The following GSK3B variants were observed in gnomAD, a reference collection of about 807,000 sequenced individuals.
The protein encoded by GSK3B is glycogen synthase kinase 3 beta.
Under a neutral mutation model 56.4 loss-of-function variants are expected in GSK3B, and 15 were observed. The ratio of observed to expected loss-of-function variants is 0.27; its 90% confidence interval spans 0.18 to 0.41. The LOEUF (loss-of-function observed/expected upper bound fraction) is 0.41. Among genes scored for constraint, GSK3B ranks in the 10% least tolerant of loss-of-function variants. The pLI, the probability that GSK3B is intolerant of heterozygous loss-of-function variation, is 1.00. For missense variants in GSK3B, 300 were observed against 513.4 expected (o/e 0.58, Z 4.02); for synonymous variants, 181 against 188.9 (o/e 0.96, Z 0.34).
intron 1 of GSK3B, among the ~76,000 whole-genome samples, chr3:120,047,515 A>T (rs1225738922): frequency 6.6e-6 from 1 of 152,208 alleles, no homozygotes; most frequent in Non-Finnish European, 1.5e-5. Context: ...CAAAAGCCTC[A>T]TCCTAGAAAA....
At chr3:119,866,513 T>C in intron 8 of GSK3B, 1 of 853,592 alleles carries the variant, frequency 1.2e-6, no homozygotes, top group Non-Finnish European at 2.0e-6. Flanking sequence ...AGTAATTATT[T>C]AGCCTCTCAA....
intron 2 of GSK3B, among the ~76,000 whole-genome samples, chr3:119,990,488 T>C (rs940475702): frequency 1.3e-5 from 2 of 152,228 alleles, no homozygotes; most frequent in African/African-American, 4.8e-5. Context: ...ACAATAGATA[T>C]GCTCAAGCTT....
chr3:120,001,904 T>A, intron 2 of GSK3B, 142 bp downstream of exon 2: 1 of 493,234 alleles, frequency 2.0e-6, no homozygotes, highest in Non-Finnish European at 3.5e-6. Context: ...TGACTAGAAA[T>A]AAAATCACTA....
At chr3:119,844,642 T>C (rs1336136128) in intron 9 of GSK3B, among the ~76,000 whole-genome samples, 1 of 151,700 alleles carries the variant, frequency 6.6e-6, no homozygotes, top group Non-Finnish European at 1.5e-5. Flanking sequence ...AGAAGTTGAA[T>C]CTCTGAATAG....
chr3:120,083,628 A>G (rs907620455), intron 1 of GSK3B, among the ~76,000 whole-genome samples: 2 of 152,228 alleles, frequency 1.3e-5, no homozygotes, highest in African/African-American at 4.8e-5. Flanking sequence ...GAGAGTTACC[A>G]TATCACCCAG....
intron 8 of GSK3B, among the ~76,000 whole-genome samples, chr3:119,866,373 AG>A (rs2056183166): frequency 6.6e-6 from 1 of 152,218 alleles, no homozygotes; most frequent in Non-Finnish European, 1.5e-5. Context: ...CCTAAACTTC[AG>A]CCTAGATGTC....
At chr3:120,076,862 A>C (rs1289141940) in intron 1 of GSK3B, among the ~76,000 whole-genome samples, 4 of 151,008 alleles carry the variant, frequency 2.6e-5, no homozygotes, top group Non-Finnish European at 5.9e-5. Context: ...GTGAATAGAC[A>C]TTTCCCTAAA....
intron 1 of GSK3B, among the ~76,000 whole-genome samples, chr3:120,014,958 T>C (rs931617496): frequency 2.0e-5 from 3 of 152,190 alleles, no homozygotes; most frequent in African/African-American, 4.8e-5. Flanking sequence ...ATATCAATTC[T>C]GAAGAATCAT....
chr3:120,086,237 T>C (rs1308867603), intron 1 of GSK3B, among the ~76,000 whole-genome samples: 2 of 150,282 alleles, frequency 1.3e-5, no homozygotes, highest in African/African-American at 4.9e-5. Flanking sequence ...AAATCTTAAA[T>C]CAGATAAAAC....
At chr3:120,029,177 G>A in intron 1 of GSK3B, 1 of 684,638 alleles carries the variant, frequency 1.5e-6, no homozygotes, top group South Asian at 1.6e-5. Context: ...TCACAAAAAA[G>A]AGACTTCAGA....
intron 7 of GSK3B, among the ~76,000 whole-genome samples, chr3:119,886,919 G>A (rs1304137276): frequency 2.6e-5 from 4 of 152,018 alleles, no homozygotes; most frequent in African/African-American, 4.8e-5. Flanking sequence ...TCAGTACCTG[G>A]GTGAAAAGAT....
intron 2 of GSK3B, among the ~76,000 whole-genome samples, chr3:119,956,128 G>A (rs1433725420): frequency 6.6e-6 from 1 of 152,220 alleles, no homozygotes. Flanking sequence ...TTAGTAAATA[G>A]AAGGAGGGAG....
chr3:119,945,763 T>G (rs769290987), intron 3 of GSK3B, among the ~76,000 whole-genome samples: 1 of 152,204 alleles, frequency 6.6e-6, no homozygotes, highest in African/African-American at 2.4e-5. Flanking sequence ...GTTTAAGAAC[T>G]CTGGGAGGAG....
At chr3:119,981,911 G>T (rs1217094095) in intron 2 of GSK3B, among the ~76,000 whole-genome samples, 1 of 152,226 alleles carries the variant, frequency 6.6e-6, no homozygotes, top group Admixed American at 6.5e-5. Flanking sequence ...CCTGACCCCC[G>T]TATAGCCTAA....
chr3:120,081,267 A>C (rs1368899504), intron 1 of GSK3B, among the ~76,000 whole-genome samples: 1 of 151,992 alleles, frequency 6.6e-6, no homozygotes, highest in Non-Finnish European at 1.5e-5. Context: ...AAAAAAAAAA[A>C]AACAGGGTCG....
intron 10 of GSK3B, among the ~76,000 whole-genome samples, chr3:119,837,192 T>C (rs1241439409): frequency 6.6e-6 from 1 of 152,236 alleles, no homozygotes; most frequent in Non-Finnish European, 1.5e-5. Flanking sequence ...TCTTGCTCTG[T>C]TGCCCATGCT....
intron 1 of GSK3B, among the ~76,000 whole-genome samples, chr3:120,023,339 A>T (rs1254451340): frequency 1.3e-5 from 2 of 150,998 alleles, no homozygotes; most frequent in African/African-American, 4.9e-5. Context: ...ACTGCCCCTA[A>T]ATTCCATGTA....
chr3:119,959,639 T>C (rs1182566036), intron 2 of GSK3B, among the ~76,000 whole-genome samples: 1 of 151,414 alleles, frequency 6.6e-6, no homozygotes, highest in Admixed American at 6.6e-5. Flanking sequence ...CTCAGCCTCC[T>C]GAGTAGCTGG....
intron 1 of GSK3B, among the ~76,000 whole-genome samples, chr3:120,081,476 G>A (rs1033858454): frequency 1.2e-4 from 19 of 152,186 alleles, no homozygotes; most frequent in Admixed American, 7.9e-4. Flanking sequence ...GAACCCAGGA[G>A]GTGGAGGTTG....
Sources: gnomAD v4.1 joint callset for allele counts (sites outside exome capture counted in the v4.1 genomes callset) on GRCh38, gnomAD v4.1.1 for gene constraint, MANE v1.5 for transcripts, NCBI Gene and HGNC (gene_info 2026-07-23, HGNC 2026-07-21) for gene names.